The following ENTREP2 variants were observed in gnomAD, a reference collection of about 807,000 sequenced individuals.
ENTREP2 encodes endosomal transmembrane epsin interactor 2, also known as protein ENTREP2.
At chr15:29,371,598 T>C in the ENTREP2 span, among the ~76,000 whole-genome samples, 1 of 151,736 alleles carries the variant, frequency 6.6e-6, no homozygotes, top group East Asian at 1.9e-4. Flanking sequence ...TTGAAGGAGA[T>C]TGCACCCATT....
At chr15:29,633,158 C>A in the ENTREP2 span, among the ~76,000 whole-genome samples, 3 of 152,142 alleles carry the variant, frequency 2.0e-5, no homozygotes, top group Non-Finnish European at 2.9e-5. Flanking sequence ...CTTCAGTGTG[C>A]CCCAGGATTC....
the ENTREP2 span, among the ~76,000 whole-genome samples, chr15:29,207,454 G>A: frequency 7.4e-5 from 10 of 135,800 alleles, no homozygotes; most frequent in African/African-American, 2.7e-4. Context: ...CGGTTGGGGG[G>A]CGGGGGGGGT....
the ENTREP2 span, among the ~76,000 whole-genome samples, chr15:29,458,214 T>C: frequency 1.3e-5 from 2 of 152,112 alleles, no homozygotes; most frequent in African/African-American, 4.8e-5. Flanking sequence ...AGAAAATGAA[T>C]GTCCCAACTC....
At chr15:29,187,249 ACTGT>A in the ENTREP2 span, among the ~76,000 whole-genome samples, 9 of 151,914 alleles carry the variant, frequency 5.9e-5, no homozygotes, top group Non-Finnish European at 8.8e-5. Context: ...TTACACTGTC[ACTGT>A]CTGTTTTTCT....
chr15:29,214,332 A>T, the ENTREP2 span, among the ~76,000 whole-genome samples: 1 of 152,250 alleles, frequency 6.6e-6, no homozygotes, highest in East Asian at 1.9e-4. Context: ...AATGTGGCAC[A>T]TATACACCAT....
chr15:29,666,295 G>T, the ENTREP2 span, among the ~76,000 whole-genome samples: 1 of 152,046 alleles, frequency 6.6e-6, no homozygotes, highest in African/African-American at 2.4e-5. Flanking sequence ...GTCACCAGCA[G>T]CTCAGGCCAA....
At chr15:29,383,389 C>T in the ENTREP2 span, among the ~76,000 whole-genome samples, 1 of 152,224 alleles carries the variant, frequency 6.6e-6, no homozygotes, top group Admixed American at 6.5e-5. Context: ...ATCTTTCCCT[C>T]TCCCTTACCC....
At chr15:29,132,397 C>T in the ENTREP2 span, among the ~76,000 whole-genome samples, 1 of 152,316 alleles carries the variant, frequency 6.6e-6, no homozygotes, top group Admixed American at 6.5e-5. Context: ...GACAGTGGGC[C>T]CGAGGGCTCT....
At chr15:29,277,204 C>T in the ENTREP2 span, among the ~76,000 whole-genome samples, 2,818 of 152,058 alleles carry the variant, frequency 0.019, 44 homozygotes, top group Admixed American at 0.044. Context: ...ATTAGCCAGG[C>T]CTGGTGGCGG....
the ENTREP2 span, among the ~76,000 whole-genome samples, chr15:29,656,490 G>C: frequency 2.5e-4 from 38 of 152,296 alleles, no homozygotes; most frequent in Admixed American, 5.2e-4. Context: ...GCCTCCCAAA[G>C]TGCTACAATT....
At chr15:29,518,628 G>T in the ENTREP2 span, among the ~76,000 whole-genome samples, 1 of 152,270 alleles carries the variant, frequency 6.6e-6, no homozygotes, top group African/African-American at 2.4e-5. Flanking sequence ...AGACAGCCGG[G>T]AAGGGCAGGA....
chr15:29,423,454 G>A, the ENTREP2 span, among the ~76,000 whole-genome samples: 1 of 151,980 alleles, frequency 6.6e-6, no homozygotes, highest in South Asian at 2.1e-4. Flanking sequence ...TAAACCAATG[G>A]CAATGTTTAA....
chr15:29,510,809 C>CAAAAA, the ENTREP2 span, among the ~76,000 whole-genome samples: 750 of 124,216 alleles, frequency 6.0e-3, 5 homozygotes, highest in African/African-American at 0.021. Flanking sequence ...GACTCCATCT[C>CAAAAA]AAAAAAAAAA....
At chr15:29,603,265 G>A in the ENTREP2 span, among the ~76,000 whole-genome samples, 1 of 152,206 alleles carries the variant, frequency 6.6e-6, no homozygotes, top group African/African-American at 2.4e-5. Context: ...CAGTGTTTGA[G>A]GCAGGTGGTC....
At chr15:29,378,026 G>T in the ENTREP2 span, among the ~76,000 whole-genome samples, 6 of 151,628 alleles carry the variant, frequency 4.0e-5, no homozygotes, top group African/African-American at 1.5e-4. Context: ...AGGAATGTAA[G>T]TCATGTGATA....
chr15:29,449,950 G>A, the ENTREP2 span, among the ~76,000 whole-genome samples: 2 of 152,156 alleles, frequency 1.3e-5, no homozygotes, highest in Non-Finnish European at 2.9e-5. Flanking sequence ...ATTCTGACTG[G>A]TGTGATATGG....
At chr15:29,398,649 G>A in the ENTREP2 span, among the ~76,000 whole-genome samples, 32 of 152,248 alleles carry the variant, frequency 2.1e-4, no homozygotes, top group African/African-American at 7.5e-4. Flanking sequence ...ACTGGAACCC[G>A]GGAAACGGAG....
chr15:29,617,754 A>G, the ENTREP2 span, among the ~76,000 whole-genome samples: 1 of 152,176 alleles, frequency 6.6e-6, no homozygotes, highest in East Asian at 1.9e-4. Context: ...CTTATGTGGC[A>G]TCTCTCAGAG....
the ENTREP2 span, among the ~76,000 whole-genome samples, chr15:29,423,539 G>A: frequency 7.1e-3 from 1,073 of 151,640 alleles, 14 homozygotes; most frequent in African/African-American, 0.025. Context: ...TGTAATCCCA[G>A]CACTTCAGGA....
Sources: gnomAD v4.1 joint callset for allele counts (sites outside exome capture counted in the v4.1 genomes callset) on GRCh38, gnomAD v4.1.1 for gene constraint, MANE v1.5 for transcripts, NCBI Gene and HGNC (gene_info 2026-07-23, HGNC 2026-07-21) for gene names.